The following RNF10 variants were observed in gnomAD, a reference collection of about 807,000 sequenced individuals.
The protein encoded by RNF10 is ring finger protein 10, also known as E3 ubiquitin-protein ligase RNF10.
In RNF10, 38 loss-of-function variants were observed where a neutral mutation model predicts 91.4. The ratio of observed to expected loss-of-function variants is 0.42; its 90% CI spans 0.32 to 0.54. RNF10 has a LOEUF of 0.54. Ranked by LOEUF, RNF10 falls within the 20% of genes least tolerant of loss-of-function variation. The pLI, the probability that RNF10 is intolerant of heterozygous loss-of-function variation, is 0.16. For missense variants in RNF10, 945 were observed against 1,012.0 expected (o/e 0.93, Z 0.90); for synonymous variants, 364 against 366.3 (o/e 0.99, Z 0.07).
At chr12:120,537,520 C>T (rs891024404) in intron 1 of RNF10, among the ~76,000 whole-genome samples, 6 of 151,800 alleles carry the variant, frequency 4.0e-5, no homozygotes, top group Non-Finnish European at 5.9e-5. Context: ...CCCAGCTACT[C>T]GGGGGGCTGA....
At chr12:120,549,650 TGG>T (rs1285942529) in intron 2 of RNF10, among the ~76,000 whole-genome samples, 1 of 152,098 alleles carries the variant, frequency 6.6e-6, no homozygotes, top group Admixed American at 6.6e-5. Context: ...CCGGGCGTGA[TGG>T]CAGGTGCCTG....
chr12:120,542,663 A>G (rs962808431), intron 1 of RNF10, among the ~76,000 whole-genome samples: 14 of 151,934 alleles, frequency 9.2e-5, no homozygotes, highest in African/African-American at 3.1e-4. Context: ...AATGATTCTC[A>G]TGCCTTAGCC....
intron 6 of RNF10, 114 bp from the exon 7 acceptor site, chr12:120,560,612 T>C: frequency 2.1e-6 from 2 of 966,650 alleles, no homozygotes; most frequent in East Asian, 2.5e-5. Flanking sequence ...GAAATCATGC[T>C]AAATTACCCC....
At chr12:120,556,687 C>G (rs1874079355) in intron 4 of RNF10, among the ~76,000 whole-genome samples, 1 of 151,608 alleles carries the variant, frequency 6.6e-6, no homozygotes, top group Admixed American at 6.6e-5. Context: ...TGGTAGATTA[C>G]TTCTAGACCC....
At position 120,534,869 on chromosome 12, in the gene RNF10, G is replaced by C; in HGVS notation, c.58G>C (p.Gly20Arg). The C allele has an allele frequency of 1.2e-6, 2 of 1,608,292 alleles. No individual in the cohort carries two copies. Among genetic ancestry groups the C allele is most frequent in the Non-Finnish European group, 1.7e-6 (2 of 1,179,590 alleles). Residue 20 changes from glycine to arginine, a missense_variant, in exon 1 of 17, where the codon GGC becomes CGC. Transcript: ENST00000325954. Reference protein sequence around the residue: ...ATASDMDKNSGSNSSSASSGS... With the variant: ...ATASDMDKNSRSNSSSASSGS... ...CGCCTCCGACATGGACAAGAACAGCGGCTCCAACAGCTCCTCCGCCTCTTC... is the reference window on the plus strand; with the variant it reads ...CGCCTCCGACATGGACAAGAACAGCCGCTCCAACAGCTCCTCCGCCTCTTC...
chr12:120,559,176 CTTTTTTTTTTT>C (rs34120761), intron 6 of RNF10, among the ~76,000 whole-genome samples: 1 of 95,808 alleles, frequency 1.0e-5, no homozygotes, highest in Non-Finnish European at 1.9e-5. Flanking sequence ...TTGAACTACT[CTTTTTTTTTTT>C]TTTTTTTTTT....
At chr12:120,558,552 TATATA>T (rs922782809) in intron 6 of RNF10, among the ~76,000 whole-genome samples, 58 of 146,506 alleles carry the variant, frequency 4.0e-4, no homozygotes, top group African/African-American at 9.6e-4. Flanking sequence ...TATTTATAGA[TATATA>T]ATATAATATG....
At chr12:120,549,994 G>A (rs1283132676) in intron 2 of RNF10, among the ~76,000 whole-genome samples, 1 of 152,078 alleles carries the variant, frequency 6.6e-6, no homozygotes, top group Non-Finnish European at 1.5e-5. Context: ...GATAGTGGAA[G>A]AGGTTGTGGT....
chr12:120,555,380 C>T (rs1378359736), intron 4 of RNF10, among the ~76,000 whole-genome samples: 5 of 151,872 alleles, frequency 3.3e-5, no homozygotes, highest in Admixed American at 6.6e-5. Context: ...CGGGGTTTCA[C>T]CTTGTTGGCC....
At chr12:120,576,062 C>T (rs1326620244) in intron 16 of RNF10, 112 bp downstream of exon 16, 1 of 1,061,618 alleles carries the variant, frequency 9.4e-7, no homozygotes, top group African/African-American at 1.6e-5. Flanking sequence ...CCCTTCTGAA[C>T]CCTTCAGCAC....
intron 14 of RNF10, among the ~76,000 whole-genome samples, chr12:120,574,004 A>G (rs59222685): frequency 0.05 from 7,616 of 152,220 alleles, 617 homozygotes; most frequent in African/African-American, 0.17. Flanking sequence ...CAGGGAGGGC[A>G]TTAATCTGTT....
In RNF10 at chr12:120,559,905, C is replaced by T. The variant is rs552197194; in HGVS notation, c.968-821C>T. On this transcript the variant is annotated intron_variant, in intron 6 of 16. Transcript: ENST00000325954. Reference sequence around the variant, plus strand: ...AGAAACAGGGTATCTCTATGTTGGCCAGGCTGGTTTCGAACTCCTAACTTC... The same window carrying T: ...AGAAACAGGGTATCTCTATGTTGGCTAGGCTGGTTTCGAACTCCTAACTTC... 6.6e-5 allele frequency among the ~76,000 whole-genome samples: 10 copies of T among 151,564 alleles called. No homozygotes were observed. The South Asian group carries it at 2.1e-3, about 32-fold the overall frequency.
rs1376321735 is a variant in RNF10, at chr12:120,557,584, A to G, written c.869A>G (p.Asp290Gly). Residue 290 changes from aspartate (D) to glycine (G), a missense_variant, in exon 6 of 17, where the codon GAT becomes GGT. Coordinates refer to ENST00000325954, the MANE Select transcript of RNF10 (RefSeq NM_014868.5). ...ATESHQYVVGDTITMQLMKRE... is the reference protein window; with the variant it reads ...ATESHQYVVGGTITMQLMKRE... Reference sequence around the variant, plus strand: ...GAGTCACATCAGTATGTTGTTGGTGATACCATTACGATGCAGCTGATGAAG... The same window carrying G: ...GAGTCACATCAGTATGTTGTTGGTGGTACCATTACGATGCAGCTGATGAAG... 1 of 1,614,202 alleles carries G rather than the reference A, an allele frequency of 6.2e-7. No individual in the cohort carries two copies. Among genetic ancestry groups the G allele is most frequent in the African/African-American group, 1.3e-5 (1 of 75,054 alleles).
Position 120,577,437 on chromosome 12 carries a change from C to T in RNF10, c.*771C>T, listed in dbSNP as rs914003837. 1 of 287,690 alleles carries T rather than the reference C, an allele frequency of 3.5e-6. No individual in the cohort carries two copies. Among genetic ancestry groups the T allele is most frequent in the African/African-American group, 2.3e-5 (1 of 42,958 alleles). 17.8% of individuals were successfully genotyped at this position (287,690 alleles called of 1,614,324 possible). ...AGAGCAGGGCCATCTGAAGCGGTAG[C>T]ATTGCCACCATCTCCCTCTCATCTA... On this transcript the variant is annotated 3_prime_UTR_variant, in exon 17 of 17. Transcript: ENST00000325954.
intron 4 of RNF10, among the ~76,000 whole-genome samples, chr12:120,556,846 C>T (rs1565957418): frequency 6.6e-6 from 1 of 151,810 alleles, no homozygotes; most frequent in Non-Finnish European, 1.5e-5. Context: ...TTCCTTGATG[C>T]TTTGCTTAAA....
intron 2 of RNF10, among the ~76,000 whole-genome samples, chr12:120,551,028 C>T (rs1872969543): frequency 6.6e-6 from 1 of 152,002 alleles, no homozygotes; most frequent in Admixed American, 6.6e-5. Context: ...TGGTGTCGCC[C>T]AGGCTGGAGT....
chr12:120,564,655 C>A (rs1029486696), intron 10 of RNF10, among the ~76,000 whole-genome samples: 5 of 152,154 alleles, frequency 3.3e-5, no homozygotes, highest in Admixed American at 2.0e-4. Flanking sequence ...AAGTGTCTTT[C>A]AATAGGGAGA....
chr12:120,542,500 C>G (rs993467974), intron 1 of RNF10, among the ~76,000 whole-genome samples: 14 of 152,158 alleles, frequency 9.2e-5, no homozygotes, highest in African/African-American at 3.4e-4. Context: ...ATGTTTGACA[C>G]TAACTGTTGC....
At chr12:120,565,247 A>G (rs1199093602) in intron 11 of RNF10, 58 bp downstream of exon 11, 12 of 1,307,126 alleles carry the variant, frequency 9.2e-6, no homozygotes, top group Non-Finnish European at 1.3e-5. Context: ...TCTTGTGGCT[A>G]GACACCCAGT....
Sources: allele counts gnomAD v4.1 joint callset (sites outside exome capture counted in the v4.1 genomes callset), GRCh38; gene constraint gnomAD v4.1.1; transcripts MANE v1.5; gene names NCBI Gene and HGNC (gene_info 2026-07-23, HGNC 2026-07-21).